Variants in DTNB observed in about 807,000 individuals in gnomAD.
The protein encoded by DTNB is DTN-B.
DTNB carries 63 observed loss-of-function variants against 90.7 expected under a neutral mutation model. That is an observed-to-expected ratio of 0.69 (90% CI 0.57 to 0.86). The LOEUF (loss-of-function observed/expected upper bound fraction) is 0.86. DTNB is among the 40% of genes least tolerant of loss of function. The pLI is 0.00. For synonymous variants in DTNB, 277 were observed against 286.7 expected, an observed-to-expected ratio of 0.97 and a Z score of 0.34; for missense variants, 744 against 807.1, an observed-to-expected ratio of 0.92 and a Z score of 0.95.
intron 15 of DTNB, among the ~76,000 whole-genome samples, chr2:25,419,878 G>C (rs2048955676): frequency 6.6e-6 from 1 of 152,360 alleles, no homozygotes; most frequent in African/African-American, 2.4e-5. Context: ...ATCTGAAAGA[G>C]GAAGTGCAAC....
intron 10 of DTNB, among the ~76,000 whole-genome samples, chr2:25,476,768 G>C (rs1170790737): frequency 6.6e-6 from 1 of 152,226 alleles, no homozygotes; most frequent in African/African-American, 2.4e-5. Context: ...GGGGTTTCTT[G>C]AGATGGAATC....
intron 9 of DTNB, among the ~76,000 whole-genome samples, chr2:25,504,740 G>T (rs1039792175): frequency 1.3e-5 from 2 of 152,158 alleles, no homozygotes; most frequent in African/African-American, 4.8e-5. Flanking sequence ...TAAATGGAAA[G>T]ATTTCACATG....
chr2:25,519,631 T>C (rs1381392001), intron 9 of DTNB, among the ~76,000 whole-genome samples: 1 of 152,182 alleles, frequency 6.6e-6, no homozygotes, highest in Non-Finnish European at 1.5e-5. Flanking sequence ...AAATCTACAG[T>C]CTGAGATGCA....
At chr2:25,526,226 C>A (rs1170874308) in intron 9 of DTNB, among the ~76,000 whole-genome samples, 1 of 151,598 alleles carries the variant, frequency 6.6e-6, no homozygotes, top group Non-Finnish European at 1.5e-5. Flanking sequence ...AACTCTCATG[C>A]AGCTCCATGG....
intron 16 of DTNB, among the ~76,000 whole-genome samples, chr2:25,405,312 G>C (rs921648630): frequency 6.6e-6 from 1 of 152,044 alleles, no homozygotes; most frequent in Non-Finnish European, 1.5e-5. Flanking sequence ...AGGCTGAGGC[G>C]GGCAGATCAC....
intron 9 of DTNB, among the ~76,000 whole-genome samples, chr2:25,524,648 A>G (rs1273616615): frequency 6.6e-6 from 1 of 152,074 alleles, no homozygotes; most frequent in Non-Finnish European, 1.5e-5. Flanking sequence ...GGTATGTGTC[A>G]TTTCTGAACC....
intron 16 of DTNB, among the ~76,000 whole-genome samples, chr2:25,412,545 T>A (rs890773312): frequency 2.6e-5 from 4 of 152,242 alleles, no homozygotes; most frequent in African/African-American, 9.6e-5. Context: ...AAAGTTACAG[T>A]CTTTAAGCCT....
chr2:25,380,362 A>G (rs1342269837), intron 19 of DTNB, among the ~76,000 whole-genome samples: 1 of 152,176 alleles, frequency 6.6e-6, no homozygotes, highest in Non-Finnish European at 1.5e-5. Context: ...CCACCCATAA[A>G]AACACTTAGT....
intron 4 of DTNB, among the ~76,000 whole-genome samples, chr2:25,627,905 T>G (rs1281004528): frequency 6.6e-6 from 1 of 151,850 alleles, no homozygotes; most frequent in Non-Finnish European, 1.5e-5. Flanking sequence ...CCCGGCTAAT[T>G]TTTTGTATTT....
intron 4 of DTNB, among the ~76,000 whole-genome samples, chr2:25,624,570 C>T (rs776286868): frequency 2.0e-5 from 3 of 152,184 alleles, no homozygotes; most frequent in Admixed American, 6.5e-5. Flanking sequence ...CTCAGTTTGT[C>T]AGCCTATACA....
chr2:25,526,395 A>ATATATATTTTTTTTTTTT, intron 9 of DTNB, among the ~76,000 whole-genome samples: 2 of 49,828 alleles, frequency 4.0e-5, no homozygotes, highest in Admixed American at 2.9e-4. Context: ...ATATATATAT[A>ATATATATTTTTTTTTTTT]TTTTTTTTTT....
chr2:25,562,763 C>T lies in DTNB; in HGVS notation c.876+14075G>A, dbSNP rs144041682. ...ATTCAGATCCTTTCCCCATTTTTTC[C>T]CCCAATTTACTTTTTTTTCTTTTTT... On this transcript the variant is annotated intron_variant, in intron 8 of 20. Transcript: ENST00000406818. Among the ~76,000 whole-genome samples the T allele has an allele frequency of 8.0e-3, 1,209 of 151,966 alleles. 11 individuals carry two copies. Among genetic ancestry groups the T allele is most frequent in the Non-Finnish European group, 0.013 (895 of 67,916 alleles).
chr2:25,495,072 CT>C (rs894568051), intron 9 of DTNB, among the ~76,000 whole-genome samples: 30 of 147,332 alleles, frequency 2.0e-4, no homozygotes, highest in South Asian at 2.1e-4. Context: ...TGGTATTTCT[CT>C]TTTTTTTTTT....
intron 9 of DTNB, among the ~76,000 whole-genome samples, chr2:25,521,594 T>C (rs951747163): frequency 2.2e-5 from 3 of 133,778 alleles, no homozygotes; most frequent in Non-Finnish European, 4.6e-5. Context: ...ATGTTGGCCA[T>C]GGTGGTCTTG....
chr2:25,468,611 A>C (rs138395035), intron 10 of DTNB, among the ~76,000 whole-genome samples: 24 of 152,344 alleles, frequency 1.6e-4, no homozygotes, highest in African/African-American at 5.1e-4. Flanking sequence ...TTAAGAAATA[A>C]GCCAGGAGTA....
chr2:25,467,299 C>CTT (rs11345885), intron 10 of DTNB, among the ~76,000 whole-genome samples: 12 of 120,110 alleles, frequency 1.0e-4, no homozygotes, highest in African/African-American at 3.3e-4. Context: ...TTCTTTCTTT[C>CTT]TTTTTTTTTT....
intron 9 of DTNB, among the ~76,000 whole-genome samples, chr2:25,496,778 T>C (rs1226018423): frequency 1.3e-5 from 2 of 150,848 alleles, no homozygotes. Context: ...GGGAGGCCGA[T>C]GTTGCAATGA....
chr2:25,585,173 C>T (rs941938603), intron 6 of DTNB, among the ~76,000 whole-genome samples: 1 of 152,138 alleles, frequency 6.6e-6, no homozygotes, highest in Non-Finnish European at 1.5e-5. Flanking sequence ...TGCATTCCCA[C>T]AATTCTCATT....
At chr2:25,495,903 A>G (rs2068728155) in intron 9 of DTNB, among the ~76,000 whole-genome samples, 3 of 152,238 alleles carry the variant, frequency 2.0e-5, no homozygotes, top group Admixed American at 1.3e-4. Context: ...GGTTAATATA[A>G]AAAACTCCCC....
Sources: allele counts gnomAD v4.1 joint callset (sites outside exome capture counted in the v4.1 genomes callset), GRCh38; gene constraint gnomAD v4.1.1; transcripts MANE v1.5; gene names NCBI Gene and HGNC (gene_info 2026-07-23, HGNC 2026-07-21).